MAML2: variants seen among roughly 807,000 people sequenced by gnomAD.
MAML2 encodes mastermind like transcriptional coactivator 2, also known as mastermind-like protein 2.
In MAML2, 22 loss-of-function variants were observed where a neutral mutation model predicts 96.1. The observed-to-expected ratio is 0.23, with a 90% CI of 0.16 to 0.33. MAML2 has a LOEUF of 0.33. MAML2 is among the 10% of genes least tolerant of loss of function. The probability of loss-of-function intolerance (pLI) is 1.00; values close to 1 mark genes in which losing one functional copy is unlikely to be tolerated. For synonymous variants in MAML2, 561 were observed against 521.3 expected (o/e 1.08, Z -1.04); for missense variants, 1,367 against 1,392.4 (o/e 0.98, Z 0.29).
Position 95,979,460 on chromosome 11 carries a change from G to A in MAML2, c.2959C>T (p.Pro987Ser), listed in dbSNP as rs2135697948. 2.5e-6 allele frequency: 4 copies of A among 1,613,568 alleles called. No individual in the cohort carries two copies. Among genetic ancestry groups the A allele is most frequent in the Non-Finnish European group, 3.4e-6 (4 of 1,179,736 alleles). ...GTATAGGCTGCAGGTGTACCTGTGG[G>A]GAAGCGGACTCCTGCAGACGTCAGG... ...EALTSAGVRF[P>S]TGTPAAYTPN... Residue 987 changes from proline (P) to serine (S), a missense_variant, in exon 5 of 5, where the codon CCC becomes TCC. Transcript: ENST00000524717.
intron 2 of MAML2, among the ~76,000 whole-genome samples, chr11:96,087,603 C>G (rs372078092): frequency 6.6e-6 from 1 of 152,126 alleles, no homozygotes; most frequent in African/African-American, 2.4e-5. Flanking sequence ...TTATATTTAC[C>G]CTTGACCGCA....
rs575094561 is a variant in MAML2, at chr11:95,978,805, C to T, written c.*143G>A. On this transcript the variant is annotated 3_prime_UTR_variant, in exon 5 of 5. Transcript: ENST00000524717. ...AGAATTTGGACCAAAATGTTCATCA[C>T]TGCAGTTACTTTCTGCTTTCCATTT... 8.0e-6 allele frequency: 6 copies of T among 745,974 alleles called. No individual in the cohort carries two copies. Among genetic ancestry groups the T allele is most frequent in the African/African-American group, 7.1e-5 (4 of 56,600 alleles). 46.2% of individuals were successfully genotyped at this position (745,974 alleles called of 1,614,324 possible).
rs539938831 is a variant in MAML2 at position 96,284,963 on chromosome 11, T to C, written c.513+56420A>G. Among the ~76,000 whole-genome samples, 3 of 152,324 alleles carry C rather than the reference T, an allele frequency of 2.0e-5. No individual in the cohort carries two copies. The East Asian group carries it at 5.8e-4, about 29-fold the overall frequency. ...CATCATTGATTGTTGAATTGTGCCG[T>C]ATATGGCTGGATGGAGTTGTGCAGT... On this transcript the variant is annotated intron_variant, in intron 1 of 4. Coordinates refer to ENST00000524717, the MANE Select transcript of MAML2 (RefSeq NM_032427.4).
intron 2 of MAML2, among the ~76,000 whole-genome samples, chr11:96,033,160 T>TA (rs1404568789): frequency 1.3e-5 from 2 of 152,228 alleles, no homozygotes; most frequent in Non-Finnish European, 2.9e-5. Flanking sequence ...TGTGCTAGTG[T>TA]AACCTCCTAA....
intron 4 of MAML2, among the ~76,000 whole-genome samples, chr11:95,983,096 A>C (rs1857766935): frequency 6.6e-6 from 1 of 152,148 alleles, no homozygotes; most frequent in African/African-American, 2.4e-5. Context: ...TTCAGGAGAT[A>C]TTCCAGAAGA....
Position 96,292,870 on chromosome 11 carries a change from T to A in MAML2, c.513+48513A>T, listed in dbSNP as rs534280217. Among the ~76,000 whole-genome samples, 4 of 152,156 alleles carry A rather than the reference T, an allele frequency of 2.6e-5. No homozygotes were observed. The South Asian group carries it at 8.3e-4, about 32-fold the overall frequency. ...AAGGAGAGAAATAGGGAGCAAAGTC[T>A]AGCTGTCTCACAGAAGGCAGCCCTA... is the stretch of plus-strand genomic sequence containing the variant. On this transcript the variant is annotated intron_variant, in intron 1 of 4. Transcript: ENST00000524717.
intron 2 of MAML2, among the ~76,000 whole-genome samples, chr11:96,079,824 G>A (rs1210272770): frequency 1.3e-5 from 2 of 152,226 alleles, no homozygotes; most frequent in Non-Finnish European, 2.9e-5. Context: ...AAGGAGTGAA[G>A]AGACTCTAAA....
chr11:95,993,535 C>T (rs1244115620), intron 2 of MAML2, among the ~76,000 whole-genome samples: 1 of 152,196 alleles, frequency 6.6e-6, no homozygotes, highest in Non-Finnish European at 1.5e-5. Flanking sequence ...TGTGCCGCTG[C>T]ACTCCAGCCT....
At chr11:96,189,262 C>T (rs760319299) in intron 1 of MAML2, among the ~76,000 whole-genome samples, 1 of 152,156 alleles carries the variant, frequency 6.6e-6, no homozygotes, top group Non-Finnish European at 1.5e-5. Flanking sequence ...CCTAATCTGA[C>T]TTCTCTGAAC....
At chr11:96,072,291 G>A (rs1159991388) in intron 2 of MAML2, among the ~76,000 whole-genome samples, 1 of 152,162 alleles carries the variant, frequency 6.6e-6, no homozygotes, top group Admixed American at 6.5e-5. Flanking sequence ...GGTTAATGGA[G>A]CACTGCATGT....
intron 1 of MAML2, among the ~76,000 whole-genome samples, chr11:96,336,184 T>A (rs1464259363): frequency 6.6e-6 from 1 of 152,202 alleles, no homozygotes; most frequent in Non-Finnish European, 1.5e-5. Context: ...CTATAAAATC[T>A]ATGCATTAAA....
chr11:96,108,765 G>T (rs565898037), intron 1 of MAML2, among the ~76,000 whole-genome samples: 1 of 152,194 alleles, frequency 6.6e-6, no homozygotes, highest in East Asian at 1.9e-4. Flanking sequence ...GGACACAATG[G>T]CTCGTACCTA....
intron 1 of MAML2, among the ~76,000 whole-genome samples, chr11:96,310,669 A>C (rs1209108380): frequency 6.6e-6 from 1 of 152,242 alleles, no homozygotes; most frequent in Non-Finnish European, 1.5e-5. Flanking sequence ...AATAAGAAGC[A>C]CTGGACTAAA....
chr11:96,018,592 A>G (rs1258919539), intron 2 of MAML2, among the ~76,000 whole-genome samples: 3 of 152,126 alleles, frequency 2.0e-5, no homozygotes, highest in Non-Finnish European at 4.4e-5. Flanking sequence ...CAAGGAAAGG[A>G]AGTGATTAAT....
intron 1 of MAML2, among the ~76,000 whole-genome samples, chr11:96,160,450 C>A (rs1364986266): frequency 7.0e-6 from 1 of 143,674 alleles, no homozygotes; most frequent in Non-Finnish European, 1.5e-5. Flanking sequence ...TTTTTGGAGA[C>A]AGAGTCTTAC....
chr11:96,191,703 C>T (rs930336088), intron 1 of MAML2, among the ~76,000 whole-genome samples: 13 of 132,788 alleles, frequency 9.8e-5, no homozygotes, highest in African/African-American at 3.8e-4. Flanking sequence ...TCCCAGGAGG[C>T]GGAGCTTGCA....
chr11:96,093,667 A>T, intron 1 of MAML2, 150 bp from the exon 2 acceptor site: 3 of 619,730 alleles, frequency 4.8e-6, no homozygotes, highest in Non-Finnish European at 8.4e-6. Flanking sequence ...GCACAAATGA[A>T]GCACAATCTG....
chr11:96,017,609 G>C (rs935687521), intron 2 of MAML2, among the ~76,000 whole-genome samples: 1 of 152,108 alleles, frequency 6.6e-6, no homozygotes, highest in African/African-American at 2.4e-5. Flanking sequence ...GGCTGGAGGC[G>C]GGGTGTGTTG....
chr11:96,227,817 C>T (rs1278920436), intron 1 of MAML2, among the ~76,000 whole-genome samples: 1 of 152,180 alleles, frequency 6.6e-6, no homozygotes. Context: ...TCATTACAAA[C>T]TCGGCCAGGT....
Sources: allele counts gnomAD v4.1 joint callset (sites outside exome capture counted in the v4.1 genomes callset), GRCh38; gene constraint gnomAD v4.1.1; transcripts MANE v1.5; gene names NCBI Gene and HGNC (gene_info 2026-07-23, HGNC 2026-07-21).